ANKDD1B: variants seen among roughly 807,000 people sequenced by gnomAD.
ANKDD1B encodes the protein ankyrin repeat and death domain containing 1B.
In ANKDD1B, 57 loss-of-function variants were observed where a neutral mutation model predicts 59.7. The ratio of observed to expected loss-of-function variants is 0.95; its 90% CI spans 0.77 to 1.19. ANKDD1B has a LOEUF of 1.19. Among genes scored for constraint, ANKDD1B ranks in the 50% most tolerant of loss-of-function variants. ANKDD1B has a pLI of 0.00. For synonymous variants in ANKDD1B, 216 were observed against 239.5 expected (o/e 0.90, Z 0.91); for missense variants, 602 against 641.9 (o/e 0.94, Z 0.67).
chr5:75,616,594 T>C (rs1773723236), intron 1 of ANKDD1B, among the ~76,000 whole-genome samples: 1 of 152,234 alleles, frequency 6.6e-6, no homozygotes, highest in African/African-American at 2.4e-5. Flanking sequence ...GGAACATTTT[T>C]AAGGATGTGA....
chr5:75,648,274 A>AAAAAATT (rs796271691), intron 7 of ANKDD1B, among the ~76,000 whole-genome samples: 4,806 of 147,990 alleles, frequency 0.032, 156 homozygotes, highest in South Asian at 0.099. Context: ...AATTAAAAAA[A>AAAAAATT]AAAAAAAAAG....
At chr5:75,632,571 T>C (rs1484001494) in intron 5 of ANKDD1B, among the ~76,000 whole-genome samples, 1 of 152,200 alleles carries the variant, frequency 6.6e-6, no homozygotes, top group Non-Finnish European at 1.5e-5. Flanking sequence ...GGCAGGAGCC[T>C]ATAATTAACA....
intron 5 of ANKDD1B, among the ~76,000 whole-genome samples, chr5:75,627,775 T>C (rs1774031315): frequency 1.3e-5 from 2 of 152,194 alleles, no homozygotes; most frequent in African/African-American, 4.8e-5. Flanking sequence ...AAGATGGTAG[T>C]GTGTGGGAAG....
chr5:75,670,950 A>C, intron 13 of ANKDD1B, 29 bp from the exon 14 acceptor site: 4 of 1,078,134 alleles, frequency 3.7e-6, no homozygotes, highest in Non-Finnish European at 4.7e-6. Context: ...AATTTTAGGT[A>C]TTCATAAATG....
chr5:75,618,646 C>T (rs1773771814), intron 2 of ANKDD1B, among the ~76,000 whole-genome samples: 1 of 152,088 alleles, frequency 6.6e-6, no homozygotes, highest in South Asian at 2.1e-4. Flanking sequence ...TCCTTATTCA[C>T]AAGTAAAATT....
At chr5:75,636,111 A>G (rs1258235728) in intron 7 of ANKDD1B, among the ~76,000 whole-genome samples, 1 of 152,220 alleles carries the variant, frequency 6.6e-6, no homozygotes, top group African/African-American at 2.4e-5. Flanking sequence ...TATGTACTGT[A>G]TGCCAGATGA....
intron 9 of ANKDD1B, among the ~76,000 whole-genome samples, chr5:75,658,366 A>G (rs1237590143): frequency 1.3e-5 from 2 of 152,182 alleles, no homozygotes; most frequent in Non-Finnish European, 2.9e-5. Flanking sequence ...GCTAGATCAC[A>G]TCAAAGGATC....
chr5:75,668,104 CT>C (rs1253145950), intron 12 of ANKDD1B, among the ~76,000 whole-genome samples: 1 of 152,090 alleles, frequency 6.6e-6, no homozygotes, highest in African/African-American at 2.4e-5. Flanking sequence ...CTAACTTGAC[CT>C]AAAGAGATGA....
intron 7 of ANKDD1B, among the ~76,000 whole-genome samples, chr5:75,638,580 T>C (rs1416033942): frequency 6.6e-6 from 1 of 152,202 alleles, no homozygotes; most frequent in East Asian, 1.9e-4. Context: ...ATGCTAGAAA[T>C]ATAAATTTTT....
intron 9 of ANKDD1B, among the ~76,000 whole-genome samples, chr5:75,657,786 C>T (rs1424854235): frequency 6.6e-6 from 1 of 151,662 alleles, no homozygotes; most frequent in Non-Finnish European, 1.5e-5. Flanking sequence ...ATCCCAGCTA[C>T]TTGGGAGACT....
rs148191202 is a variant in ANKDD1B at position 75,668,542 on chromosome 5, C to G, written c.1394-710C>G. Among the ~76,000 whole-genome samples, 169 of 152,338 alleles carry G rather than the reference C, an allele frequency of 1.1e-3. 2 individuals carry two copies. The highest frequency in any genetic ancestry group is 1.9e-3 in the Non-Finnish European group (128 of 68,032). On this transcript the variant is annotated intron_variant, in intron 12 of 13. Transcript: ENST00000601380. ...CTGTCCAGTGAACTTCTCCCTCACC[C>G]CTGCAGAGCTCAGGCCCTTCCCTTG...
intron 10 of ANKDD1B, among the ~76,000 whole-genome samples, chr5:75,661,321 C>T (rs532841476): frequency 2.1e-5 from 3 of 145,488 alleles, no homozygotes; most frequent in Admixed American, 1.4e-4. Context: ...CACTTGAAAC[C>T]GGAAGGCGGA....
intron 5 of ANKDD1B, among the ~76,000 whole-genome samples, chr5:75,631,882 G>T (rs1387856978): frequency 1.3e-5 from 2 of 152,048 alleles, no homozygotes; most frequent in African/African-American, 4.8e-5. Context: ...GAGGCAGGTG[G>T]ATAACTTGAG....
intron 8 of ANKDD1B, among the ~76,000 whole-genome samples, chr5:75,654,852 C>A (rs75970731): frequency 0.01 from 1,563 of 152,190 alleles, 28 homozygotes; most frequent in African/African-American, 0.036. Flanking sequence ...TCTCGCCACT[C>A]GCTTCACACT....
intron 7 of ANKDD1B, among the ~76,000 whole-genome samples, chr5:75,648,806 C>G (rs1361199771): frequency 6.6e-6 from 1 of 152,136 alleles, no homozygotes; most frequent in African/African-American, 2.4e-5. Flanking sequence ...ATGGGTTGGA[C>G]TTTGGTTTGC....
chr5:75,651,498 A>G (rs1561445934), intron 7 of ANKDD1B, among the ~76,000 whole-genome samples: 1 of 152,206 alleles, frequency 6.6e-6, no homozygotes, highest in Non-Finnish European at 1.5e-5. Context: ...AGAGGCGCTG[A>G]AAGGGCCGAG....
intron 9 of ANKDD1B, 107 bp from the exon 10 acceptor site, chr5:75,659,176 T>TA (rs1483915657): frequency 1.3e-5 from 10 of 767,750 alleles, no homozygotes; most frequent in Admixed American, 1.0e-4. Flanking sequence ...CAGTATCCAT[T>TA]AAAAAATATA....
At chr5:75,617,424 G>T (rs1762892789) in intron 2 of ANKDD1B, among the ~76,000 whole-genome samples, 1 of 152,154 alleles carries the variant, frequency 6.6e-6, no homozygotes, top group South Asian at 2.1e-4. Flanking sequence ...CTAAAACCTG[G>T]CTCTTACTTG....
chr5:75,648,115 G>T (rs867600020), intron 7 of ANKDD1B, among the ~76,000 whole-genome samples: 2 of 75,204 alleles, frequency 2.7e-5, no homozygotes, highest in South Asian at 5.9e-4. Flanking sequence ...GGTGGGGGGA[G>T]GGGGGAGGGA....
Sources: allele counts gnomAD v4.1 joint callset (sites outside exome capture counted in the v4.1 genomes callset), GRCh38; gene constraint gnomAD v4.1.1; transcripts MANE v1.5; gene names NCBI Gene and HGNC (gene_info 2026-07-23, HGNC 2026-07-21).